The following RBFOX1 variants were observed in gnomAD, a reference collection of about 807,000 sequenced individuals.
RBFOX1 encodes RNA binding fox-1 homolog 1, also known as RNA binding protein fox-1 homolog 1.
RBFOX1 carries 8 observed loss-of-function variants against 57.7 expected under a neutral mutation model. The ratio of observed to expected loss-of-function variants is 0.14; its 90% CI spans 0.08 to 0.25. The LOEUF (loss-of-function observed/expected upper bound fraction) is 0.25, where lower values mean the gene tolerates loss of function less well. RBFOX1 is among the 10% of genes least tolerant of loss of function. RBFOX1 has a pLI of 1.00. For synonymous variants in RBFOX1, 326 were observed against 222.4 expected, an observed-to-expected ratio of 1.47 and a Z score of -4.15; for missense variants, 611 against 548.5, an observed-to-expected ratio of 1.11 and a Z score of -1.14.
chr16:5,528,969 A>C (rs1215402113), intron 2 of RBFOX1, among the ~76,000 whole-genome samples: 1 of 151,766 alleles, frequency 6.6e-6, no homozygotes, highest in African/African-American at 2.4e-5. Flanking sequence ...CTAATTTTCT[A>C]TTACTCATAA....
intron 1 of RBFOX1, among the ~76,000 whole-genome samples, chr16:6,074,319 T>C (rs2095871066): frequency 6.6e-6 from 1 of 152,182 alleles, no homozygotes; most frequent in African/African-American, 2.4e-5. Flanking sequence ...GTAGTAAGCA[T>C]GTTTACCTGT....
At chr16:6,982,673 T>C (rs1285206108) in intron 3 of RBFOX1, among the ~76,000 whole-genome samples, 1 of 152,102 alleles carries the variant, frequency 6.6e-6, no homozygotes, top group South Asian at 2.1e-4. Context: ...ATGTAAGAGG[T>C]AGATTTACTG....
At chr16:7,079,272 C>G (rs2058792796) in intron 4 of RBFOX1, among the ~76,000 whole-genome samples, 1 of 152,136 alleles carries the variant, frequency 6.6e-6, no homozygotes, top group African/African-American at 2.4e-5. Flanking sequence ...TCTGCCCCAA[C>G]TGGAGCTTGC....
intron 2 of RBFOX1, among the ~76,000 whole-genome samples, chr16:6,546,421 C>G (rs149944041): frequency 6.6e-6 from 1 of 152,340 alleles, no homozygotes; most frequent in East Asian, 1.9e-4. Context: ...GTCAGGGTGT[C>G]AGCTGGGTCA....
intron 4 of RBFOX1, among the ~76,000 whole-genome samples, chr16:7,471,280 C>G (rs894453154): frequency 6.6e-6 from 1 of 152,118 alleles, no homozygotes; most frequent in Non-Finnish European, 1.5e-5. Context: ...TAGGCTATTT[C>G]CAACAGAACT....
intron 2 of RBFOX1, among the ~76,000 whole-genome samples, chr16:6,596,309 G>A (rs1179260098): frequency 2.0e-5 from 3 of 152,052 alleles, no homozygotes; most frequent in South Asian, 2.1e-4. Context: ...ATAAGGATTT[G>A]CATTTGTATC....
chr16:7,437,224 A>AACT (rs2149763248), intron 4 of RBFOX1, among the ~76,000 whole-genome samples: 1 of 150,662 alleles, frequency 6.6e-6, no homozygotes, highest in East Asian at 2.0e-4. Flanking sequence ...TACTATCCTC[A>AACT]ACTGTGCTAG....
At chr16:5,526,542 G>C (rs917194308) in intron 2 of RBFOX1, among the ~76,000 whole-genome samples, 22 of 152,144 alleles carry the variant, frequency 1.4e-4, no homozygotes, top group African/African-American at 5.3e-4. Context: ...GCCCACCTCA[G>C]CCTCCCAAAG....
At chr16:6,598,486 A>C (rs747664889) in intron 2 of RBFOX1, among the ~76,000 whole-genome samples, 4 of 152,236 alleles carry the variant, frequency 2.6e-5, no homozygotes, top group Non-Finnish European at 5.9e-5. Flanking sequence ...GTCTGTAGAA[A>C]ATAAAGAGGA....
At chr16:5,932,151 G>A (rs547735357) in intron 4 of RBFOX1, among the ~76,000 whole-genome samples, 2 of 152,298 alleles carry the variant, frequency 1.3e-5, no homozygotes, top group African/African-American at 4.8e-5. Flanking sequence ...ATTTGGCTGG[G>A]ATTGACTTAA....
At chr16:7,065,909 T>A (rs185064199) in intron 4 of RBFOX1, among the ~76,000 whole-genome samples, 115 of 152,308 alleles carry the variant, frequency 7.6e-4, no homozygotes, top group Non-Finnish European at 1.4e-3. Flanking sequence ...TACATGTCTT[T>A]CTGTGTAAGG....
At chr16:6,154,046 G>A (rs2096821639) in intron 1 of RBFOX1, among the ~76,000 whole-genome samples, 1 of 152,198 alleles carries the variant, frequency 6.6e-6, no homozygotes, top group South Asian at 2.1e-4. Flanking sequence ...GATAAGTCCA[G>A]ACCTCATGGA....
At chr16:6,650,682 A>G (rs1350138623) in intron 2 of RBFOX1, among the ~76,000 whole-genome samples, 1 of 152,218 alleles carries the variant, frequency 6.6e-6, no homozygotes. Flanking sequence ...GATATTTGCT[A>G]TACGAGTCTT....
rs534404853 is a variant in RBFOX1, at chr16:7,469,159, C to T, written c.28-48988C>T. 8.5e-5 allele frequency among the ~76,000 whole-genome samples: 13 copies of T among 152,238 alleles called. No individual in the cohort carries two copies. The South Asian group carries it at 2.3e-3, about 27-fold the overall frequency. On this transcript the variant is annotated intron_variant, in intron 4 of 15. Coordinates refer to ENST00000550418, the MANE Select transcript of RBFOX1 (RefSeq NM_018723.4). ...CCGTGTTAGCCAGGATGGTCTCAAT[C>T]TCCTGACCTCATGATCTACCCGACT... is the stretch of plus-strand genomic sequence containing the variant.
rs543254587 is a variant in RBFOX1 at position 6,570,256 on chromosome 16, C to T, written c.-63-84347C>T. Among the ~76,000 whole-genome samples, 44 of 152,252 alleles carry T rather than the reference C, an allele frequency of 2.9e-4. 1 individual carries two copies. In the South Asian group the frequency reaches 8.9e-3, roughly 31 times the overall value. On this transcript the variant is annotated intron_variant, in intron 2 of 15. Transcript: ENST00000550418. ...TTATACCCATTGTGTATTGTTCCCC[C>T]TTCACTGTAAGATACTCTTTTGTTT...
At chr16:6,862,205 A>G (rs1339376463) in intron 3 of RBFOX1, among the ~76,000 whole-genome samples, 1 of 152,156 alleles carries the variant, frequency 6.6e-6, no homozygotes, top group Admixed American at 6.5e-5. Flanking sequence ...ATAAATAAGT[A>G]CTGACCCTTA....
intron 3 of RBFOX1, among the ~76,000 whole-genome samples, chr16:5,660,612 A>G (rs1321433498): frequency 2.6e-5 from 4 of 152,186 alleles, no homozygotes; most frequent in Admixed American, 2.6e-4. Context: ...TGCTCTGTTT[A>G]GATAATTTTC....
chr16:6,428,120 A>T (rs1311912532), intron 2 of RBFOX1, among the ~76,000 whole-genome samples: 2 of 151,798 alleles, frequency 1.3e-5, no homozygotes, highest in African/African-American at 4.8e-5. Context: ...CCATCCCTAC[A>T]ACAAATACAA....
chr16:7,267,370 A>G (rs1471830176), intron 4 of RBFOX1, among the ~76,000 whole-genome samples: 4 of 151,894 alleles, frequency 2.6e-5, no homozygotes, highest in Admixed American at 6.6e-5. Context: ...CCCCGTCTCT[A>G]CTAAAAATAT....
Sources: allele counts gnomAD v4.1 joint callset (sites outside exome capture counted in the v4.1 genomes callset), GRCh38; gene constraint gnomAD v4.1.1; transcripts MANE v1.5; gene names NCBI Gene and HGNC (gene_info 2026-07-23, HGNC 2026-07-21).